Variants in UNC79 observed in about 807,000 individuals in gnomAD.
The protein encoded by UNC79 is protein unc-79 homolog.
In UNC79, 37 loss-of-function variants were observed where a neutral mutation model predicts 283.1. The observed-to-expected ratio is 0.13, with a 90% CI of 0.10 to 0.17. UNC79 has a LOEUF of 0.17. Among genes scored for constraint, UNC79 ranks in the 10% least tolerant of loss-of-function variants. The probability of loss-of-function intolerance (pLI) is 1.00; values close to 1 mark genes in which losing one functional copy is unlikely to be tolerated. For synonymous variants in UNC79, 1,107 were observed against 1,200.2 expected (o/e 0.92, Z 1.61); for missense variants, 2,272 against 3,211.1 (o/e 0.71, Z 7.07).
intron 7 of UNC79, among the ~76,000 whole-genome samples, chr14:93,511,596 T>C (rs2059828400): frequency 6.6e-6 from 1 of 152,052 alleles, no homozygotes; most frequent in South Asian, 2.1e-4. Flanking sequence ...TACAGGCATG[T>C]GCCACCACGC....
intron 40 of UNC79, 152 bp downstream of exon 43, chr14:93,662,866 G>A (rs911440486): frequency 1.9e-6 from 1 of 524,916 alleles, no homozygotes. Flanking sequence ...CCATGGTAAG[G>A]AAACACTTTA....
chr14:93,646,799 C>T (rs970108431), intron 35 of UNC79, among the ~76,000 whole-genome samples, 153 bp downstream of exon 38: 5 of 151,768 alleles, frequency 3.3e-5, no homozygotes, highest in Non-Finnish European at 5.9e-5. Flanking sequence ...CACTCGAGCC[C>T]GGGAGTTCAA....
chr14:93,640,025 G>C (rs182392474), intron 32 of UNC79, among the ~76,000 whole-genome samples: 51 of 152,282 alleles, frequency 3.3e-4, no homozygotes, highest in South Asian at 2.1e-4. Context: ...GAGGAACTTA[G>C]CGTTTTAGTT....
At chr14:93,471,789 G>A (rs1475440385) in intron 2 of UNC79, among the ~76,000 whole-genome samples, 2 of 151,928 alleles carry the variant, frequency 1.3e-5, no homozygotes, top group Non-Finnish European at 2.9e-5. Flanking sequence ...AAGGCAGTGA[G>A]AGAGAAGTTT....
At chr14:93,339,821 G>A (rs903979456) in intron 1 of UNC79, among the ~76,000 whole-genome samples, 1 of 152,190 alleles carries the variant, frequency 6.6e-6, no homozygotes, top group Non-Finnish European at 1.5e-5. Flanking sequence ...TTACTTTGAT[G>A]TGGAAATTTT....
chr14:93,490,820 C>A (rs1265433466), intron 5 of UNC79, among the ~76,000 whole-genome samples: 1 of 152,144 alleles, frequency 6.6e-6, no homozygotes, highest in Non-Finnish European at 1.5e-5. Flanking sequence ...TTTTTCTAGC[C>A]TGCAGATCAA....
At chr14:93,554,957 T>C (rs1481393750) in intron 14 of UNC79, among the ~76,000 whole-genome samples, 2 of 152,208 alleles carry the variant, frequency 1.3e-5, no homozygotes, top group Admixed American at 6.5e-5. Flanking sequence ...TTTTCCAGTA[T>C]AGCTAGGGAG....
At chr14:93,491,451 A>G (rs1351988137) in intron 5 of UNC79, among the ~76,000 whole-genome samples, 1 of 152,140 alleles carries the variant, frequency 6.6e-6, no homozygotes, top group Non-Finnish European at 1.5e-5. Context: ...AGTCTGGTCC[A>G]AATTTCTAAG....
intron 1 of UNC79, among the ~76,000 whole-genome samples, chr14:93,363,479 C>A (rs1052383786): frequency 6.6e-6 from 1 of 152,060 alleles, no homozygotes; most frequent in Admixed American, 6.6e-5. Context: ...CTGTTAGGTC[C>A]GTTTGGTCAA....
At chr14:93,594,163 G>A (rs2064888563) in intron 23 of UNC79, among the ~76,000 whole-genome samples, 1 of 152,152 alleles carries the variant, frequency 6.6e-6, no homozygotes, top group Non-Finnish European at 1.5e-5. Context: ...GAGTTTACTT[G>A]CATCGGTTAC....
chr14:93,497,190 C>G (rs893233568), exon 7 of UNC79: 1 of 1,613,372 alleles, frequency 6.2e-7, no homozygotes, highest in African/African-American at 1.3e-5. Context: ...TGGGCCTTCA[C>G]AAGTGAAGCC....
At chr14:93,626,922 A>G (rs1271022228) in intron 30 of UNC79, among the ~76,000 whole-genome samples, 2 of 152,112 alleles carry the variant, frequency 1.3e-5, no homozygotes, top group African/African-American at 4.8e-5. Flanking sequence ...GGTGGCACAC[A>G]CCTGTAGTCC....
chr14:93,468,694 G>A (rs565657087), intron 2 of UNC79, among the ~76,000 whole-genome samples: 2 of 152,266 alleles, frequency 1.3e-5, no homozygotes, highest in East Asian at 3.9e-4. Flanking sequence ...CTTTGCGGAT[G>A]GAAGCTTCAT....
intron 33 of UNC79, among the ~76,000 whole-genome samples, chr14:93,641,485 T>C (rs1412794951): frequency 1.3e-5 from 2 of 152,106 alleles, no homozygotes; most frequent in African/African-American, 4.8e-5. Context: ...AAACCCTGTT[T>C]CTACTAAAAT....
intron 1 of UNC79, among the ~76,000 whole-genome samples, chr14:93,386,373 T>C (rs2054774755): frequency 6.6e-6 from 1 of 152,210 alleles, no homozygotes; most frequent in African/African-American, 2.4e-5. Context: ...TTTGGTTTGC[T>C]AGCATTTTGT....
chr14:93,630,680 G>A, intron 30 of UNC79, 121 bp from the exon 33 acceptor site: 1 of 706,166 alleles, frequency 1.4e-6, no homozygotes, highest in Non-Finnish European at 2.4e-6. Flanking sequence ...TAATTATTAG[G>A]CCAGGAAAGT....
intron 7 of UNC79, among the ~76,000 whole-genome samples, chr14:93,509,957 T>C (rs1215891113): frequency 6.6e-6 from 1 of 152,216 alleles, no homozygotes; most frequent in Admixed American, 6.5e-5. Flanking sequence ...GACTTCTGCC[T>C]GGACATCCAG....
chr14:93,498,590 C>CA (rs1168980442), intron 7 of UNC79, among the ~76,000 whole-genome samples: 3 of 151,658 alleles, frequency 2.0e-5, no homozygotes, highest in African/African-American at 7.3e-5. Context: ...GACTCTGTCT[C>CA]AAAAAACAAA....
chr14:93,673,619 G>A (rs912403882), intron 41 of UNC79, among the ~76,000 whole-genome samples, 164 bp downstream of exon 44: 1 of 151,964 alleles, frequency 6.6e-6, no homozygotes. Flanking sequence ...TGCACCTGAC[G>A]CTTCCACTGG....
Sources: gnomAD v4.1 joint callset for allele counts (sites outside exome capture counted in the v4.1 genomes callset) on GRCh38, gnomAD v4.1.1 for gene constraint, MANE v1.5 for transcripts, NCBI Gene and HGNC (gene_info 2026-07-23, HGNC 2026-07-21) for gene names.